PIEZO2: variants seen among roughly 807,000 people sequenced by gnomAD.
The protein encoded by PIEZO2 is piezo-type mechanosensitive ion channel component 2.
In PIEZO2, 172 loss-of-function variants were observed where a neutral mutation model predicts 337.3. The ratio of observed to expected loss-of-function variants is 0.51; its 90% CI spans 0.45 to 0.58. The LOEUF is 0.58. Among genes scored for constraint, PIEZO2 ranks in the 20% least tolerant of loss-of-function variants. The pLI is 0.00. For synonymous variants in PIEZO2, 1,251 were observed against 1,228.5 expected, an observed-to-expected ratio of 1.02 and a Z score of -0.38; for missense variants, 3,028 against 3,391.3, an observed-to-expected ratio of 0.89 and a Z score of 2.66.
rs2039521840 is a variant in PIEZO2 at position 11,105,062 on chromosome 18, C to T, written c.65-38840G>A. On this transcript the variant is annotated intron_variant, in intron 1 of 55. Transcript: ENST00000674853. The surrounding 1 kb of genome is among the most constrained non-coding windows in gnomAD (Gnocchi z 4.3). ...AAAATTACCACTTACTATCATTTGG[C>T]AAAGAACAGCTTGACTAAGCACGAC... 6.6e-6 allele frequency among the ~76,000 whole-genome samples: 1 copy of T among 152,146 alleles called. No individual in the cohort carries two copies. Among genetic ancestry groups the T allele is most frequent in the African/African-American group, 2.4e-5 (1 of 41,424 alleles).
chr18:10,675,407 C>G (rs2033953738), intron 53 of PIEZO2, 119 bp from the exon 54 acceptor site: 1 of 563,618 alleles, frequency 1.8e-6, no homozygotes, highest in African/African-American at 1.9e-5. Flanking sequence ...TTTCATATAT[C>G]TGTACAATGT....
intron 52 of PIEZO2, among the ~76,000 whole-genome samples, chr18:10,678,434 C>T (rs982374449): frequency 4.6e-5 from 7 of 152,170 alleles, no homozygotes; most frequent in Non-Finnish European, 8.8e-5. Flanking sequence ...TGAACAGCCC[C>T]ACTTTGTATT....
At chr18:10,719,015 A>T (rs560973437) in intron 36 of PIEZO2, among the ~76,000 whole-genome samples, 6,525 of 150,614 alleles carry the variant, frequency 0.043, 483 homozygotes, top group African/African-American at 0.15. Context: ...ATAAATAAAT[A>T]AATAAATAAA....
Position 11,080,956 on chromosome 18 carries a change from G to A in PIEZO2, c.65-14734C>T, listed in dbSNP as rs76429480. Among the ~76,000 whole-genome samples the A allele has an allele frequency of 7.1e-3, 1,080 of 152,292 alleles. 17 individuals carry two copies. Among genetic ancestry groups the A allele is most frequent in the African/African-American group, 0.024 (987 of 41,564 alleles). ...ATAGCTTCACCAAATTGGTTATTCT[G>A]CAACATACCATCTGGCTAACATAAT... is the stretch of plus-strand genomic sequence containing the variant. On this transcript the variant is annotated intron_variant, in intron 1 of 55. Transcript: ENST00000674853. This position sits in a 1 kb window ranked among gnomAD's most constrained non-coding sequence, Gnocchi z 5.4.
rs2037400014 is a variant in PIEZO2 at position 11,048,434 on chromosome 18, AGT to A, written c.160+17691_160+17692del. 3.3e-5 allele frequency among the ~76,000 whole-genome samples: 5 copies of A among 152,314 alleles called. No homozygotes were observed. In the South Asian group the frequency reaches 1.0e-3, roughly 32 times the overall value. ...ATGCATATTTTGTACCAGTATTCTCAGTGTGTTTATTTGACTTCCCTGCTTAA... is the reference window on the plus strand; with the variant it reads ...ATGCATATTTTGTACCAGTATTCTCAGTGTTTATTTGACTTCCCTGCTTAA... On this transcript the variant is annotated intron_variant, in intron 2 of 55. Transcript: ENST00000674853. This position sits in a 1 kb window ranked among gnomAD's most constrained non-coding sequence, Gnocchi z 4.5.
chr18:10,711,578 T>C (rs370880351), intron 39 of PIEZO2, among the ~76,000 whole-genome samples: 5 of 151,938 alleles, frequency 3.3e-5, no homozygotes, highest in African/African-American at 9.7e-5. Context: ...TTCTATTCAT[T>C]ACCCATTTCG....
Position 10,821,020 on chromosome 18 carries a change from T to C in PIEZO2, c.918-13746A>G, listed in dbSNP as rs749688650. On this transcript the variant is annotated intron_variant, in intron 7 of 55. Coordinates refer to ENST00000674853, the MANE Select transcript of PIEZO2 (RefSeq NM_001378183.1). The surrounding 1 kb of genome is among the most constrained non-coding windows in gnomAD (Gnocchi z 4.2). Reference sequence around the variant, plus strand: ...GTCTGACTTCATGGAGTCTTACCTATGCATGCACAGCTTAGAATTCAGCTA... The same window carrying C: ...GTCTGACTTCATGGAGTCTTACCTACGCATGCACAGCTTAGAATTCAGCTA... Among the ~76,000 whole-genome samples, 92 of 152,216 alleles carry C rather than the reference T, an allele frequency of 6.0e-4. No homozygotes were observed. The highest frequency in any genetic ancestry group is 1.0e-3 in the Non-Finnish European group (70 of 68,038).
chr18:10,885,019 C>G (rs145706226), intron 4 of PIEZO2, among the ~76,000 whole-genome samples: 8 of 152,154 alleles, frequency 5.3e-5, no homozygotes, highest in African/African-American at 1.9e-4. Context: ...GCTGAGAAAG[C>G]CAGTGTGCTT....
intron 4 of PIEZO2, among the ~76,000 whole-genome samples, chr18:10,886,809 A>G (rs1209904149): frequency 6.6e-6 from 1 of 151,976 alleles, no homozygotes; most frequent in Non-Finnish European, 1.5e-5. Flanking sequence ...CTAATAAATT[A>G]TCACTGTATT....
chr18:10,809,903 A>C (rs1412901469), intron 7 of PIEZO2, among the ~76,000 whole-genome samples: 1 of 152,208 alleles, frequency 6.6e-6, no homozygotes, highest in African/African-American at 2.4e-5. Context: ...TGACTGTCTT[A>C]AATCTCTCCA....
At chr18:11,059,506 A>G (rs1405135907) in intron 2 of PIEZO2, among the ~76,000 whole-genome samples, 2 of 152,222 alleles carry the variant, frequency 1.3e-5, no homozygotes, top group African/African-American at 4.8e-5. Context: ...TGTATTCAGG[A>G]AACCCATCTC....
chr18:11,147,470 G>C (rs1318928890), intron 1 of PIEZO2, among the ~76,000 whole-genome samples: 1 of 152,212 alleles, frequency 6.6e-6, no homozygotes, highest in Non-Finnish European at 1.5e-5. Context: ...CTTGCACAAA[G>C]AAAACATTTA....
At position 11,112,337 on chromosome 18, in the gene PIEZO2, G is replaced by C. The variant is rs1397281976; in HGVS notation, c.64+36188C>G. 6.6e-6 allele frequency among the ~76,000 whole-genome samples: 1 copy of C among 152,180 alleles called. No homozygotes were observed. Among genetic ancestry groups the C allele is most frequent in the Non-Finnish European group, 1.5e-5 (1 of 68,028 alleles). On this transcript the variant is annotated intron_variant, in intron 1 of 55. Coordinates refer to ENST00000674853, the MANE Select transcript of PIEZO2 (RefSeq NM_001378183.1). The surrounding 1 kb of genome is among the most constrained non-coding windows in gnomAD (Gnocchi z 4.3). ...TAAAAACAGTTATTTGAGATATTCT[G>C]ATCCACCCATTTAAGTAAAGGCCTG...
intron 2 of PIEZO2, among the ~76,000 whole-genome samples, chr18:11,062,985 C>G (rs1007904033): frequency 6.6e-6 from 1 of 152,040 alleles, no homozygotes; most frequent in Admixed American, 6.6e-5. Flanking sequence ...GCATTATTCA[C>G]AATAGCAAAG....
intron 2 of PIEZO2, among the ~76,000 whole-genome samples, chr18:11,046,585 C>G (rs563301827): frequency 1.5e-4 from 23 of 152,370 alleles, no homozygotes; most frequent in East Asian, 7.7e-4. Flanking sequence ...GCAGGTGCTC[C>G]TTTGCGCCGT....
At chr18:11,022,863 G>A (rs2036364960) in intron 2 of PIEZO2, among the ~76,000 whole-genome samples, 1 of 152,162 alleles carries the variant, frequency 6.6e-6, no homozygotes, top group African/African-American at 2.4e-5. Context: ...TAAAGGCGGT[G>A]TGTCCGGAGT....
intron 4 of PIEZO2, among the ~76,000 whole-genome samples, chr18:10,886,071 A>C (rs751901604): frequency 1.3e-5 from 2 of 151,746 alleles, no homozygotes; most frequent in Non-Finnish European, 2.9e-5. Context: ...TTGGAGATGG[A>C]TAAAAAGACA....
At chr18:11,124,095 T>C (rs914142777) in intron 1 of PIEZO2, among the ~76,000 whole-genome samples, 6 of 152,002 alleles carry the variant, frequency 3.9e-5, no homozygotes, top group African/African-American at 1.4e-4. Context: ...CTAACCAGAG[T>C]TTAGGTAAGT....
chr18:11,006,932 G>A (rs1277676866), intron 2 of PIEZO2, among the ~76,000 whole-genome samples: 3 of 151,942 alleles, frequency 2.0e-5, no homozygotes, highest in Non-Finnish European at 2.9e-5. Flanking sequence ...TATCAAGCAC[G>A]TGATATTTTG....
Sources: gnomAD v4.1 joint callset for allele counts (sites outside exome capture counted in the v4.1 genomes callset) on GRCh38, gnomAD v4.1.1 for gene constraint, Gnocchi (gnomAD v3.1) non-coding constraint, MANE v1.5 for transcripts, NCBI Gene and HGNC (gene_info 2026-07-23, HGNC 2026-07-21) for gene names.